Variants in IQSEC1 observed in about 807,000 individuals in gnomAD.
IQSEC1 encodes the protein IQ motif and Sec7 domain ArfGEF 1.
In IQSEC1, 31 loss-of-function variants were observed where a neutral mutation model predicts 91.0. The observed-to-expected ratio is 0.34, with a 90% confidence interval of 0.26 to 0.46. The LOEUF is 0.46. Among genes scored for constraint, IQSEC1 ranks in the 20% least tolerant of loss-of-function variants. The probability of loss-of-function intolerance (pLI) is 1.00; values close to 1 mark genes in which losing one functional copy is unlikely to be tolerated. For synonymous variants in IQSEC1, 699 were observed against 662.6 expected, an observed-to-expected ratio of 1.05 and a Z score of -0.84; for missense variants, 1,388 against 1,575.6, an observed-to-expected ratio of 0.88 and a Z score of 2.02.
chr3:13,041,287 T>C (rs1455788211), intron 1 of IQSEC1, among the ~76,000 whole-genome samples: 3 of 152,102 alleles, frequency 2.0e-5, no homozygotes, highest in Non-Finnish European at 4.4e-5. Context: ...TCCTCTCTGA[T>C]GTGGCTTGCA....
In IQSEC1 at chr3:12,913,562, GA is replaced by G; in HGVS notation, c.2191-10del. On this transcript the variant is annotated splice_polypyrimidine_tract_variant and intron_variant, in intron 8 of 13. Coordinates refer to ENST00000613206, the MANE Select transcript of IQSEC1 (RefSeq NM_001134382.3). ...TGGGGCAGAGAGAGCACCTGTGTGG[GA>G]AGAGGCTGTCCTGCCACGGCCGCCC... 6.2e-7 allele frequency: 1 copy of G among 1,600,366 alleles called. No homozygotes were observed. Among genetic ancestry groups the G allele is most frequent in the Non-Finnish European group, 8.5e-7 (1 of 1,171,336 alleles).
chr3:13,091,771 A>G (rs1316238372), intron 2 of IQSEC1, among the ~76,000 whole-genome samples: 1 of 152,228 alleles, frequency 6.6e-6, no homozygotes, highest in Non-Finnish European at 1.5e-5. Context: ...AAGCTCCAAC[A>G]TAAAAAACAA....
chr3:13,010,620 T>C (rs891617989), intron 1 of IQSEC1, among the ~76,000 whole-genome samples: 1 of 152,206 alleles, frequency 6.6e-6, no homozygotes, highest in African/African-American at 2.4e-5. Context: ...CCTGAAGCCC[T>C]GTCTGTTTCA....
chr3:12,908,438 C>T lies in IQSEC1; in HGVS notation c.2666G>A (p.Ser889Asn). 2.5e-6 allele frequency: 4 copies of T among 1,613,510 alleles called. No homozygotes were observed. Among genetic ancestry groups the T allele is most frequent in the Non-Finnish European group, 3.4e-6 (4 of 1,180,040 alleles). Reference protein sequence around the residue: ...LKKESGNGTLSRACLDDSYAS... With the variant: ...LKKESGNGTLNRACLDDSYAS... ...ATAGCTGTCGTCCAGGCAGGCCCGG[C>T]TCAGTGTTCCGTTGCCCGACTCCTT... Residue 889 changes from serine to asparagine, a missense_variant, in exon 12 of 14, where the codon AGC becomes AAC. Physicochemically the swap from Ser to Asn is conservative, Grantham distance 46. Transcript: ENST00000613206. The surrounding 1 kb of genome is among the most constrained non-coding windows in gnomAD (Gnocchi z 4.9).
chr3:13,191,525 C>T (rs1694033036), intron 1 of IQSEC1, among the ~76,000 whole-genome samples: 1 of 95,084 alleles, frequency 1.1e-5, no homozygotes, highest in Non-Finnish European at 2.0e-5. Flanking sequence ...TTAGTAGAGA[C>T]AGGGTTTTGC....
Position 12,901,186 on chromosome 3 carries a change from G to C in IQSEC1, c.3142C>G (p.Pro1048Ala), listed in dbSNP as rs550949021. The change falls in exon 14 of 14, where the codon CCA (proline) becomes GCA (alanine). Residue 1048 changes from proline to alanine, a missense_variant. Pro to Ala is a conservative substitution (Grantham distance 27). Coordinates refer to ENST00000613206, the MANE Select transcript of IQSEC1 (RefSeq NM_001134382.3). ...TGTGCGTGCTGGATGTGCTGGGGTG[G>C]GTGGTGGTGGTGGTGATGGTGGTAC... ...PPYHHHHHHHPPQHIQHAHQY... is the reference protein window; with the variant it reads ...PPYHHHHHHHAPQHIQHAHQY... 15 of 1,513,998 alleles carry C rather than the reference G, an allele frequency of 9.9e-6. No homozygotes were observed. In the South Asian group the frequency reaches 1.8e-4, roughly 18 times the overall value. 93.8% of individuals were successfully genotyped at this position (1,513,998 alleles called of 1,614,324 possible).
chr3:13,135,025 A>G (rs1209024789), intron 2 of IQSEC1, among the ~76,000 whole-genome samples: 3 of 152,316 alleles, frequency 2.0e-5, no homozygotes, highest in African/African-American at 7.2e-5. Flanking sequence ...GGTCAGGGTC[A>G]GAAGGAACTG....
chr3:13,065,258 A>G (rs1368672507), intron 1 of IQSEC1, among the ~76,000 whole-genome samples: 3 of 152,246 alleles, frequency 2.0e-5, no homozygotes, highest in Admixed American at 1.3e-4. Context: ...CAGCTTGCTG[A>G]GGGAGCACTT....
chr3:13,237,658 C>G (rs1047262798), intron 1 of IQSEC1, among the ~76,000 whole-genome samples: 3 of 152,238 alleles, frequency 2.0e-5, no homozygotes, highest in Non-Finnish European at 4.4e-5. Flanking sequence ...ACAGGACTTC[C>G]CACAAGCAGC....
intron 1 of IQSEC1, among the ~76,000 whole-genome samples, chr3:13,228,817 G>A (rs1168156844): frequency 6.6e-6 from 1 of 152,130 alleles, no homozygotes; most frequent in African/African-American, 2.4e-5. Flanking sequence ...CTGTTCCCAG[G>A]CTCTCGGTAC....
chr3:13,128,737 C>A (rs571848042), intron 2 of IQSEC1, among the ~76,000 whole-genome samples: 136 of 152,072 alleles, frequency 8.9e-4, no homozygotes, highest in Non-Finnish European at 1.2e-3. Context: ...AAGAGCCGGG[C>A]GTGGTGGCGG....
intron 1 of IQSEC1, among the ~76,000 whole-genome samples, chr3:13,205,848 C>T (rs1250388750): frequency 6.6e-6 from 1 of 150,870 alleles, no homozygotes; most frequent in African/African-American, 2.4e-5. Context: ...CTCCACCCAT[C>T]CATCCAACTA....
intron 2 of IQSEC1, among the ~76,000 whole-genome samples, chr3:13,112,351 G>A (rs1296212845): frequency 2.6e-5 from 4 of 152,178 alleles, no homozygotes; most frequent in African/African-American, 9.7e-5. Context: ...GCAATTCCCC[G>A]ACCTCTCCCT....
At chr3:13,049,728 TCA>T (rs936983013) in intron 1 of IQSEC1, among the ~76,000 whole-genome samples, 2 of 152,194 alleles carry the variant, frequency 1.3e-5, no homozygotes, top group African/African-American at 4.8e-5. Flanking sequence ...CTCCTCTCTC[TCA>T]CTTTCCTAAT....
intron 1 of IQSEC1, among the ~76,000 whole-genome samples, chr3:12,966,483 G>A (rs1040364245): frequency 6.6e-6 from 1 of 152,182 alleles, no homozygotes; most frequent in Non-Finnish European, 1.5e-5. Flanking sequence ...GATAGCTCAG[G>A]GGGCAGCTGT....
In IQSEC1 at chr3:12,915,667, C is replaced by A. The variant is rs202207235; in HGVS notation, c.2087G>T (p.Arg696Leu). 1.9e-6 allele frequency: 3 copies of A among 1,614,158 alleles called. No homozygotes were observed. The East Asian group carries it at 6.7e-5, about 36-fold the overall frequency. The change falls in exon 7 of 14, where the codon CGA (arginine) becomes CTA (leucine). Residue 696 changes from arginine to leucine, a missense_variant. Physicochemically the swap from Arg to Leu is moderately radical, Grantham distance 102. Transcript: ENST00000613206. ...LMGIYERIRK[R>L]ELKTNEDHVS... ...ATGGTCCTCATTGGTCTTTAGCTCT[C>A]GCTTACGGATCCGTTCATAGATCCC...
intron 1 of IQSEC1, among the ~76,000 whole-genome samples, chr3:13,252,138 T>C (rs1210647777): frequency 6.6e-6 from 1 of 152,120 alleles, no homozygotes; most frequent in Non-Finnish European, 1.5e-5. Context: ...CTACCATCCA[T>C]CTCCAGGACT....
chr3:13,202,499 G>T (rs944105050), intron 1 of IQSEC1, among the ~76,000 whole-genome samples: 1 of 152,144 alleles, frequency 6.6e-6, no homozygotes, highest in African/African-American at 2.4e-5. Context: ...GAACCTTGAG[G>T]ACGTTACTCT....
intron 2 of IQSEC1, among the ~76,000 whole-genome samples, chr3:13,159,635 T>TCAATTTCCCA (rs142023519): frequency 0.065 from 9,909 of 152,160 alleles, 387 homozygotes; most frequent in African/African-American, 0.11. Flanking sequence ...TTCCCAGAGC[T>TCAATTTCCCA]GAAAAAATAA....
Sources: allele counts gnomAD v4.1 joint callset (sites outside exome capture counted in the v4.1 genomes callset), GRCh38; gene constraint gnomAD v4.1.1; non-coding constraint Gnocchi (gnomAD v3.1); transcripts MANE v1.5; gene names NCBI Gene and HGNC (gene_info 2026-07-23, HGNC 2026-07-21).